Variants in PGLYRP3 observed in about 807,000 individuals in gnomAD.
PGLYRP3 encodes peptidoglycan recognition protein I alpha.
A neutral mutation model predicts 36.0 loss-of-function variants in PGLYRP3; 39 were observed. The observed-to-expected ratio is 1.08, with a 90% CI of 0.84 to 1.41. The LOEUF is 1.41. PGLYRP3 is among the 40% of genes most tolerant of loss of function. PGLYRP3 has a pLI of 0.00. For missense variants in PGLYRP3, 407 were observed against 427.9 expected (o/e 0.95, Z 0.43); for synonymous variants, 204 against 172.8 (o/e 1.18, Z -1.42).
Position 153,297,726 on chromosome 1 carries a change from G to T in PGLYRP3, c.*230C>A. The T allele has an allele frequency of 4.2e-6, 2 of 473,258 alleles. No homozygotes were observed. The highest frequency in any genetic ancestry group is 7.5e-6 in the Non-Finnish European group (2 of 266,690). The allele number at this position is 473,258 out of a possible 1,614,324, so 29.3% of individuals were successfully genotyped here. The stretch of plus-strand genomic sequence containing the variant: ...GAGGTAAGTGCCCAGGGGAGAGGTA[G>T]GTAAAAGAGAGGGGAAGTCTAAACT... On this transcript the variant is annotated 3_prime_UTR_variant, in exon 8 of 8. Transcript: ENST00000683862.
intron 7 of PGLYRP3, among the ~76,000 whole-genome samples, 154 bp from the exon 8 acceptor site, chr1:153,298,288 G>C (rs1447694206): frequency 6.6e-6 from 1 of 152,094 alleles, no homozygotes; most frequent in Non-Finnish European, 1.5e-5. Context: ...GTGGCAATCA[G>C]GCACAAAAAG....
At chr1:153,307,627 T>C (rs1659778139) in intron 2 of PGLYRP3, among the ~76,000 whole-genome samples, 1 of 152,136 alleles carries the variant, frequency 6.6e-6, no homozygotes, top group East Asian at 1.9e-4. Context: ...GCTGCCTCCT[T>C]AGCCCAGAAG....
At chr1:153,298,201 C>T (rs1659490548) in intron 7 of PGLYRP3, 67 bp from the exon 8 acceptor site, 1 of 1,528,968 alleles carries the variant, frequency 6.5e-7, no homozygotes, top group Non-Finnish European at 8.9e-7. Context: ...AAGGGACAAG[C>T]ACCTAGATTC....
At chr1:153,307,638 C>A (rs1659778565) in intron 2 of PGLYRP3, among the ~76,000 whole-genome samples, 1 of 152,152 alleles carries the variant, frequency 6.6e-6, no homozygotes, top group Non-Finnish European at 1.5e-5. Context: ...AGCCCAGAAG[C>A]CTGAGGATGC....
In PGLYRP3 at chr1:153,312,712, C is replaced by T. The variant is rs928155651; in HGVS notation, c.-111G>A. 6.6e-6 allele frequency among the ~76,000 whole-genome samples: 1 copy of T among 152,144 alleles called. No homozygotes were observed. The highest frequency in any genetic ancestry group is 2.4e-5 in the African/African-American group (1 of 41,430). On this transcript the variant is annotated 5_prime_UTR_variant, in exon 1 of 8. Transcript: ENST00000683862. ...CGGCTCGCCCCTGATTGGCCAGCAG[C>T]TCCTTCCCTTCCAGACTTGGCCTCC...
Position 153,303,844 on chromosome 1 carries a change from T to G in PGLYRP3, c.529+13A>C. 1 of 1,602,132 alleles carries G rather than the reference T, an allele frequency of 6.2e-7. No individual in the cohort carries two copies. The highest frequency in any genetic ancestry group is 8.5e-7 in the Non-Finnish European group (1 of 1,171,436). ...TGACGAGGAGGAGGGTGAGGTGACA[T>G]GGAGGGTCTTACCCTTCCTGGGCAT... On this transcript the variant is annotated intron_variant, in intron 5 of 7. Coordinates refer to ENST00000683862, the MANE Select transcript of PGLYRP3 (RefSeq NM_052891.3).
intron 7 of PGLYRP3, 65 bp from the exon 8 acceptor site, chr1:153,298,199 A>G: frequency 1.3e-6 from 2 of 1,545,258 alleles, no homozygotes; most frequent in Non-Finnish European, 1.8e-6. Context: ...GGAAGGGACA[A>G]GCACCTAGAT....
intron 7 of PGLYRP3, among the ~76,000 whole-genome samples, chr1:153,298,511 C>T (rs1486983774): frequency 2.0e-5 from 3 of 151,978 alleles, no homozygotes; most frequent in Non-Finnish European, 4.4e-5. Context: ...AAAAATTAGC[C>T]GGGCGCCTGT....
chr1:153,311,992 G>T (rs576283408), intron 1 of PGLYRP3, among the ~76,000 whole-genome samples: 1 of 152,326 alleles, frequency 6.6e-6, no homozygotes, highest in South Asian at 2.1e-4. Flanking sequence ...GAGAGGTAAG[G>T]ATTCACTTTC....
chr1:153,308,233 ATCCACCC>A (rs1659806810), intron 2 of PGLYRP3, among the ~76,000 whole-genome samples: 2 of 152,048 alleles, frequency 1.3e-5, no homozygotes. Flanking sequence ...TGACCTCGTG[ATCCACCC>A]TCCTCGGCCT....
chr1:153,304,838 G>T, intron 4 of PGLYRP3, 109 bp downstream of exon 4: 1 of 769,312 alleles, frequency 1.3e-6, no homozygotes, highest in Non-Finnish European at 2.1e-6. Flanking sequence ...GTGATCATCA[G>T]AGAAGGTAAG....
At chr1:153,302,270 T>C in intron 6 of PGLYRP3, 139 bp downstream of exon 6, 1 of 873,002 alleles carries the variant, frequency 1.1e-6, no homozygotes, top group Non-Finnish European at 1.8e-6. Flanking sequence ...CAGCCCAATC[T>C]TGCAAAAATA....
In PGLYRP3 at chr1:153,302,542, G is replaced by A. The variant is rs764676042; in HGVS notation, c.595C>T (p.Leu199Phe). 1.2e-6 allele frequency: 2 copies of A among 1,614,214 alleles called. No individual in the cohort carries two copies. The highest frequency in any genetic ancestry group is 1.7e-6 in the Non-Finnish European group (2 of 1,180,028). The change falls in exon 6 of 8, where the codon CTC becomes TTC. Residue 199 changes from leucine to phenylalanine, a missense_variant. Physicochemically the swap from Leu to Phe is conservative, Grantham distance 22. Coordinates refer to ENST00000683862, the MANE Select transcript of PGLYRP3 (RefSeq NM_052891.3). ...ARETHCPKMN[L>F]PAKYVIIIHT... ...ATGATGATGACATATTTGGCTGGGA[G>A]GTTCATTTTAGGGCAGTGTGTCTCT...
At chr1:153,308,664 T>C (rs1397095746) in intron 2 of PGLYRP3, among the ~76,000 whole-genome samples, 1 of 152,188 alleles carries the variant, frequency 6.6e-6, no homozygotes, top group African/African-American at 2.4e-5. Context: ...GGAGTGCACA[T>C]GGCCAGCAAG....
Position 153,304,826 on chromosome 1 carries a change from G to T in PGLYRP3, c.376+121C>A, listed in dbSNP as rs1571104286. The T allele has an allele frequency of 2.1e-5, 15 of 703,014 alleles. No homozygotes were observed. The South Asian group carries it at 3.4e-4, about 16-fold the overall frequency. 43.5% of individuals were successfully genotyped at this position (703,014 alleles called of 1,614,324 possible). The stretch of plus-strand genomic sequence containing the variant: ...AAAGGAGAAAAGAATTTCAAGAGAA[G>T]GGTGATCATCAGAGAAGGTAAGTAT... On this transcript the variant is annotated intron_variant, in intron 4 of 7. Transcript: ENST00000683862.
At chr1:153,300,703 C>A (rs148939016) in intron 6 of PGLYRP3, among the ~76,000 whole-genome samples, 240 of 152,334 alleles carry the variant, frequency 1.6e-3, no homozygotes, top group African/African-American at 5.5e-3. Flanking sequence ...AGCACACTGT[C>A]TCCACTAATG....
chr1:153,312,339 C>T (rs1659914019), intron 1 of PGLYRP3, among the ~76,000 whole-genome samples: 1 of 152,038 alleles, frequency 6.6e-6, no homozygotes, highest in South Asian at 2.1e-4. Flanking sequence ...GACCAGGAGA[C>T]AAGTGAGACA....
chr1:153,304,083 T>A, intron 4 of PGLYRP3, 74 bp from the exon 5 acceptor site: 1 of 1,397,944 alleles, frequency 7.2e-7, no homozygotes, highest in Non-Finnish European at 9.9e-7. Context: ...GCAGAAAGGA[T>A]GATATGACCA....
At chr1:153,309,841 C>G (rs1330983163) in intron 2 of PGLYRP3, among the ~76,000 whole-genome samples, 2 of 152,196 alleles carry the variant, frequency 1.3e-5, no homozygotes, top group Non-Finnish European at 2.9e-5. Flanking sequence ...AAACTCCCTG[C>G]TTTGCTTGGG....
Sources: allele counts gnomAD v4.1 joint callset (sites outside exome capture counted in the v4.1 genomes callset), GRCh38; gene constraint gnomAD v4.1.1; transcripts MANE v1.5; gene names NCBI Gene and HGNC (gene_info 2026-07-23, HGNC 2026-07-21).